The following PDCL2 variants were observed in gnomAD, a reference collection of about 807,000 sequenced individuals.
PDCL2 encodes phosducin like 2.
Under a neutral mutation model 30.3 loss-of-function variants are expected in PDCL2, and 23 were observed. That is an observed-to-expected ratio of 0.76 (90% CI 0.55 to 1.08). The LOEUF (loss-of-function observed/expected upper bound fraction) is 1.08. PDCL2 is among the 50% of genes least tolerant of loss of function. PDCL2 has a pLI of 0.00. For synonymous variants in PDCL2, 68 were observed against 86.2 expected, an observed-to-expected ratio of 0.79 and a Z score of 1.17; for missense variants, 243 against 282.3, an observed-to-expected ratio of 0.86 and a Z score of 1.00.
intron 5 of PDCL2, among the ~76,000 whole-genome samples, chr4:55,560,671 T>A (rs574066453): frequency 1.1e-4 from 17 of 152,264 alleles, no homozygotes; most frequent in African/African-American, 4.1e-4. Context: ...CTTTTGGTAA[T>A]TACTATGGTC....
chr4:55,574,126 A>G (rs911129483), intron 3 of PDCL2, among the ~76,000 whole-genome samples: 1 of 152,328 alleles, frequency 6.6e-6, no homozygotes, highest in Admixed American at 6.5e-5. Flanking sequence ...ATTTCTTAAG[A>G]ACAAGTAATA....
chr4:55,589,308 T>G (rs1732941083), intron 1 of PDCL2, among the ~76,000 whole-genome samples: 1 of 152,338 alleles, frequency 6.6e-6, no homozygotes, highest in Admixed American at 6.5e-5. Flanking sequence ...CCTCGAAAAC[T>G]TATTGATGGG....
chr4:55,584,811 C>T (rs934469090), intron 1 of PDCL2, among the ~76,000 whole-genome samples: 11 of 152,090 alleles, frequency 7.2e-5, no homozygotes, highest in African/African-American at 2.2e-4. Context: ...TCCTTGTCTA[C>T]GAAAAAAACC....
intron 3 of PDCL2, among the ~76,000 whole-genome samples, chr4:55,579,447 G>T (rs188639493): frequency 2.6e-5 from 4 of 152,222 alleles, no homozygotes; most frequent in Non-Finnish European, 5.9e-5. Context: ...TCCTGCCTCA[G>T]CTTCTCAAGT....
chr4:55,579,547 C>T (rs1420389903), intron 3 of PDCL2, among the ~76,000 whole-genome samples: 1 of 152,092 alleles, frequency 6.6e-6, no homozygotes, highest in Non-Finnish European at 1.5e-5. Context: ...AAACTCCTGA[C>T]CTCAGGTGAT....
chr4:55,576,466 C>T (rs181442372), intron 3 of PDCL2, among the ~76,000 whole-genome samples: 43 of 152,256 alleles, frequency 2.8e-4, no homozygotes, highest in Admixed American at 1.9e-3. Context: ...TAATAATAAT[C>T]TATGTTAATG....
chr4:55,556,974 C>T (rs1346637687), intron 5 of PDCL2, among the ~76,000 whole-genome samples: 1 of 152,138 alleles, frequency 6.6e-6, no homozygotes, highest in African/African-American at 2.4e-5. Context: ...GCTGCAATTA[C>T]AGGTGCACGC....
chr4:55,562,725 C>T (rs1732166773), intron 4 of PDCL2, 113 bp from the exon 5 acceptor site: 3 of 666,768 alleles, frequency 4.5e-6, no homozygotes, highest in Admixed American at 7.6e-5. Flanking sequence ...AATATAAAAG[C>T]ACATTATTAT....
intron 3 of PDCL2, among the ~76,000 whole-genome samples, chr4:55,572,347 G>A (rs576479129): frequency 6.6e-6 from 1 of 152,288 alleles, no homozygotes; most frequent in South Asian, 2.1e-4. Flanking sequence ...ATGACTCCCA[G>A]AACAACATGC....
intron 3 of PDCL2, among the ~76,000 whole-genome samples, chr4:55,575,573 C>CAAGTGTCCAACATAT (rs1732544663): frequency 6.6e-6 from 1 of 152,092 alleles, no homozygotes; most frequent in Admixed American, 6.5e-5. Context: ...CCAACAAACT[C>CAAGTGTCCAACATAT]CAAGTATGAT....
intron 1 of PDCL2, among the ~76,000 whole-genome samples, chr4:55,586,997 C>G (rs555688523): frequency 6.9e-6 from 1 of 144,454 alleles, no homozygotes; most frequent in Admixed American, 6.7e-5. Context: ...TTGTCTTAGT[C>G]CAGTTTGTAC....
chr4:55,573,905 T>G (rs1363496985), intron 3 of PDCL2, among the ~76,000 whole-genome samples: 1 of 129,976 alleles, frequency 7.7e-6, no homozygotes, highest in Admixed American at 8.2e-5. Context: ...TTGTTTGTTT[T>G]TTTTTTTGAG....
At chr4:55,573,253 C>G (rs1732473709) in intron 3 of PDCL2, among the ~76,000 whole-genome samples, 1 of 152,102 alleles carries the variant, frequency 6.6e-6, no homozygotes, top group African/African-American at 2.4e-5. Flanking sequence ...ATGCCACAAA[C>G]AATATACTGC....
At position 55,569,815 on chromosome 4, in the gene PDCL2, AT is replaced by A; in HGVS notation, c.264del (p.Lys88AsnfsTer5). 2 of 1,562,684 alleles carry A rather than the reference AT, an allele frequency of 1.3e-6. No homozygotes were observed. Among genetic ancestry groups the A allele is most frequent in the Non-Finnish European group, 1.7e-6 (2 of 1,151,958 alleles). The stretch of plus-strand genomic sequence containing the variant: ...CCAGAAATTTCTCTTAATTCTCCAA[AT>A]TTTTGTTTTTTCTTAAGAGCTTTCC... ...QEWKALKKKQ[K>X]FGELREISGN... On this transcript the variant is annotated frameshift_variant, in exon 4 of 6. Transcript: ENST00000295645. LOFTEE classifies it high-confidence loss of function.
intron 1 of PDCL2, among the ~76,000 whole-genome samples, chr4:55,585,564 A>C (rs1007726743): frequency 2.3e-4 from 35 of 152,242 alleles, no homozygotes; most frequent in African/African-American, 7.5e-4. Flanking sequence ...ACACACACAA[A>C]GATTTAGAAG....
At chr4:55,558,164 A>G (rs1018993908) in intron 5 of PDCL2, among the ~76,000 whole-genome samples, 1 of 151,892 alleles carries the variant, frequency 6.6e-6, no homozygotes, top group Non-Finnish European at 1.5e-5. Context: ...ATTTTAATAA[A>G]TGGTGTTGAA....
chr4:55,587,959 G>A (rs1732905014), intron 1 of PDCL2, among the ~76,000 whole-genome samples: 1 of 152,072 alleles, frequency 6.6e-6, no homozygotes, highest in Non-Finnish European at 1.5e-5. Flanking sequence ...TGCTTTTGGT[G>A]TCATAACCAA....
intron 4 of PDCL2, 82 bp downstream of exon 4, chr4:55,569,636 T>C (rs1004931426): frequency 5.6e-6 from 6 of 1,075,428 alleles, no homozygotes; most frequent in African/African-American, 4.8e-5. Flanking sequence ...AGTACTGTTA[T>C]ATACTTTGTA....
At chr4:55,584,858 T>C (rs556360744) in intron 1 of PDCL2, among the ~76,000 whole-genome samples, 2 of 152,238 alleles carry the variant, frequency 1.3e-5, no homozygotes, top group African/African-American at 2.4e-5. Context: ...TGTAGGCTTG[T>C]TGTATATGCC....
Sources: gnomAD v4.1 joint callset for allele counts (sites outside exome capture counted in the v4.1 genomes callset) on GRCh38, gnomAD v4.1.1 for gene constraint, MANE v1.5 for transcripts, NCBI Gene and HGNC (gene_info 2026-07-23, HGNC 2026-07-21) for gene names.